DYRK1A: variants seen among roughly 807,000 people sequenced by gnomAD.
The protein encoded by DYRK1A is dual specificity tyrosine phosphorylation regulated kinase 1A, also known as dual specificity tyrosine-phosphorylation-regulated kinase 1A.
A neutral mutation model predicts 79.7 loss-of-function variants in DYRK1A; 9 were observed. That is an observed-to-expected ratio of 0.11 (90% CI 0.07 to 0.20). DYRK1A has a LOEUF of 0.20. DYRK1A is among the 10% of genes least tolerant of loss of function. The pLI is 1.00. For synonymous variants in DYRK1A, 349 were observed against 329.7 expected, an observed-to-expected ratio of 1.06 and a Z score of -0.63; for missense variants, 622 against 956.0, an observed-to-expected ratio of 0.65 and a Z score of 4.61.
rs192798538 is a variant in DYRK1A, at chr21:37,505,261, C to G, written c.1213-22C>G. 1,346 of 1,560,934 alleles carry G rather than the reference C, an allele frequency of 8.6e-4. 10 individuals are homozygous for G. Among genetic ancestry groups the G allele is most frequent in the Non-Finnish European group, 1.7e-4 (201 of 1,149,014 alleles). ...CGTATTCCACCAAATTTAGAGAAAG[C>G]CTTTCATCTTCTCTCTTACAGGAGT... On this transcript the variant is annotated intron_variant, in intron 9 of 11. Transcript: ENST00000647188.
intron 2 of DYRK1A, among the ~76,000 whole-genome samples, chr21:37,461,329 A>C (rs2051831131): frequency 6.6e-6 from 1 of 152,174 alleles, no homozygotes; most frequent in African/African-American, 2.4e-5. Context: ...ACTTACATTT[A>C]TTTCTCCTGT....
At chr21:37,467,544 T>C (rs1431960987) in intron 2 of DYRK1A, among the ~76,000 whole-genome samples, 1 of 152,248 alleles carries the variant, frequency 6.6e-6, no homozygotes, top group African/African-American at 2.4e-5. Flanking sequence ...GAAAGTCGTT[T>C]ATCATTTCAA....
chr21:37,505,097 A>T, intron 9 of DYRK1A, 186 bp from the exon 10 acceptor site: 1 of 572,596 alleles, frequency 1.7e-6, no homozygotes, highest in Non-Finnish European at 3.0e-6. Context: ...TCTCAGAATT[A>T]ATGTTGAACT....
chr21:37,427,752 T>A (rs1437691667), intron 2 of DYRK1A, among the ~76,000 whole-genome samples: 2 of 152,164 alleles, frequency 1.3e-5, no homozygotes. Flanking sequence ...ACATCAGAAT[T>A]TTTCTGCACC....
intron 7 of DYRK1A, among the ~76,000 whole-genome samples, chr21:37,492,055 G>A (rs759131862): frequency 3.3e-5 from 5 of 152,224 alleles, no homozygotes; most frequent in Non-Finnish European, 7.3e-5. Context: ...GGCATAAGCT[G>A]TGAAATAAAA....
intron 4 of DYRK1A, among the ~76,000 whole-genome samples, chr21:37,479,408 C>T (rs985289670): frequency 2.6e-4 from 40 of 151,058 alleles, no homozygotes; most frequent in African/African-American, 9.4e-4. Flanking sequence ...CTGTTGTTAA[C>T]AGTAGCTTTC....
In DYRK1A at chr21:37,479,606, G is replaced by GTTTTTTTTTTTTTTTTTTTTTTTTTTT. The variant is rs1183029117; in HGVS notation, c.301-1027_301-1026insTTTTTTTTTTTTTTTTTTTTTTTTTTT. ...GTGTTGGTGTTTTGTTTTTGTTTTT[G>GTTTTTTTTTTTTTTTTTTTTTTTTTTT]TTTTTGTTTTTTGTTTTTTTTTTTT... On this transcript the variant is annotated intron_variant, in intron 4 of 11. Transcript: ENST00000647188. Among the ~76,000 whole-genome samples, 57 of 27,596 alleles carry GTTTTTTTTTTTTTTTTTTTTTTTTTTT rather than the reference G, an allele frequency of 2.1e-3. 6 individuals carry two copies. Among genetic ancestry groups the GTTTTTTTTTTTTTTTTTTTTTTTTTTT allele is most frequent in the East Asian group, 6.8e-3 (6 of 878 alleles). 18.1% of individuals were successfully genotyped at this position (27,596 alleles called of 152,430 possible).
chr21:37,507,607 C>T lies in DYRK1A; in HGVS notation c.1644+1384C>T, dbSNP rs570081032. The stretch of plus-strand genomic sequence containing the variant: ...CTTCATTTGGCAGTGTTGACTTTTC[C>T]CCACTCTTTGAAACACTCACTGCTG... On this transcript the variant is annotated intron_variant, in intron 11 of 11. Transcript: ENST00000647188. 5.6e-4 allele frequency among the ~76,000 whole-genome samples: 85 copies of T among 152,178 alleles called. No individual in the cohort carries two copies. In the Middle Eastern group the frequency reaches 0.017, roughly 30 times the overall value.
chr21:37,449,658 A>T (rs1231660441), intron 2 of DYRK1A, among the ~76,000 whole-genome samples: 1 of 152,222 alleles, frequency 6.6e-6, no homozygotes, highest in Non-Finnish European at 1.5e-5. Context: ...CGTGTGGTCA[A>T]GGTAAACAAC....
At chr21:37,481,868 G>A (rs1050139619) in intron 5 of DYRK1A, among the ~76,000 whole-genome samples, 2 of 152,052 alleles carry the variant, frequency 1.3e-5, no homozygotes, top group African/African-American at 4.8e-5. Flanking sequence ...AAATGTTAGG[G>A]GGATCTCTGG....
At chr21:37,479,606 G>GTTCTTTT (rs2052537581) in intron 4 of DYRK1A, among the ~76,000 whole-genome samples, 1 of 27,594 alleles carries the variant, frequency 3.6e-5, no homozygotes, top group Admixed American at 4.3e-4. Flanking sequence ...TTTTGTTTTT[G>GTTCTTTT]TTTTTGTTTT....
At chr21:37,407,457 CAG>C (rs1266269628) in intron 1 of DYRK1A, among the ~76,000 whole-genome samples, 4 of 152,154 alleles carry the variant, frequency 2.6e-5, no homozygotes, top group Non-Finnish European at 5.9e-5. Context: ...ACTTCTGTAA[CAG>C]AGTAGTTTGA....
chr21:37,431,392 C>T (rs2050770347), intron 2 of DYRK1A, among the ~76,000 whole-genome samples: 2 of 152,176 alleles, frequency 1.3e-5, no homozygotes, highest in African/African-American at 2.4e-5. Flanking sequence ...TAAACATTTC[C>T]TGCAATGCCT....
chr21:37,401,180 A>G (rs2050045900), intron 1 of DYRK1A, among the ~76,000 whole-genome samples: 1 of 152,066 alleles, frequency 6.6e-6, no homozygotes, highest in Admixed American at 6.5e-5. Context: ...TAATTGGACT[A>G]TATTTTTCTT....
chr21:37,420,442 G>T (rs2050444686), intron 2 of DYRK1A, 58 bp downstream of exon 2: 1 of 1,580,834 alleles, frequency 6.3e-7, no homozygotes, highest in East Asian at 2.3e-5. Context: ...GGAATCGATG[G>T]TCTATTTTGA....
chr21:37,370,216 C>G (rs1239410959), intron 1 of DYRK1A, among the ~76,000 whole-genome samples: 1 of 151,760 alleles, frequency 6.6e-6, no homozygotes, highest in Non-Finnish European at 1.5e-5. Flanking sequence ...ATACAGTGAC[C>G]TTTGGCATGC....
At chr21:37,373,874 A>G (rs2257040) in intron 1 of DYRK1A, among the ~76,000 whole-genome samples, 83,105 of 152,070 alleles carry the variant, frequency 0.55, 23,234 homozygotes, top group African/African-American at 0.67. Flanking sequence ...GTTACACTTC[A>G]AAATGTTTTG....
rs1348965363 is a variant in DYRK1A at position 37,525,303 on chromosome 21, CGTT to C, written c.*12775_*12777del. The C allele has an allele frequency of 6.6e-6, 1 of 152,206 alleles. No homozygotes were observed. The highest frequency in any genetic ancestry group is 1.5e-5 in the Non-Finnish European group (1 of 68,064). The allele number at this position is 152,206 out of a possible 1,614,324, so 9.4% of individuals were successfully genotyped here. The stretch of plus-strand genomic sequence containing the variant: ...CGCATGGTTGGGGAGGCCTCACAAT[CGTT>C]GTGGAAGGTAAAGGAGAAGCCAAGG... On this transcript the variant is annotated 3_prime_UTR_variant, in exon 12 of 12. Coordinates refer to ENST00000647188, the MANE Select transcript of DYRK1A (RefSeq NM_001347721.2).
In DYRK1A at chr21:37,521,854, G is replaced by A. The variant is rs1439785744; in HGVS notation, c.*9323G>A. 6.6e-6 allele frequency: 1 copy of A among 152,308 alleles called. No individual in the cohort carries two copies. The highest frequency in any genetic ancestry group is 1.5e-5 in the Non-Finnish European group (1 of 68,124). 9.4% of individuals were successfully genotyped at this position (152,308 alleles called of 1,614,324 possible). On this transcript the variant is annotated 3_prime_UTR_variant, in exon 12 of 12. Transcript: ENST00000647188. ...GATGCTGGGAGTAGGGGTGAAAAGA[G>A]AGGAGTCAGGCTTCCTCCCAGAGTT... is the stretch of plus-strand genomic sequence containing the variant.
Sources: allele counts gnomAD v4.1 joint callset (sites outside exome capture counted in the v4.1 genomes callset), GRCh38; gene constraint gnomAD v4.1.1; transcripts MANE v1.5; gene names NCBI Gene and HGNC (gene_info 2026-07-23, HGNC 2026-07-21).